PTPRT: variants seen among roughly 807,000 people sequenced by gnomAD.
PTPRT encodes protein tyrosine phosphatase receptor type T, also known as receptor-type tyrosine-protein phosphatase T.
Under a neutral mutation model 176.8 loss-of-function variants are expected in PTPRT, and 56 were observed. The observed-to-expected ratio is 0.32, with a 90% CI of 0.26 to 0.40. The LOEUF is 0.40. Among genes scored for constraint, PTPRT ranks in the 10% least tolerant of loss-of-function variants. The pLI is 1.00. For synonymous variants in PTPRT, 783 were observed against 739.0 expected, an observed-to-expected ratio of 1.06 and a Z score of -0.96; for missense variants, 1,540 against 1,908.2, an observed-to-expected ratio of 0.81 and a Z score of 3.60.
chr20:42,675,564 C>T (rs1442591129), intron 7 of PTPRT, among the ~76,000 whole-genome samples: 5 of 152,150 alleles, frequency 3.3e-5, no homozygotes, highest in East Asian at 1.9e-4. Flanking sequence ...TATATGCTAT[C>T]GATAAGCAAT....
chr20:42,274,536 AGT>A (rs529883269), intron 13 of PTPRT, among the ~76,000 whole-genome samples: 33,157 of 112,774 alleles, frequency 0.29, 4,454 homozygotes, highest in South Asian at 0.36. Context: ...GGCCCTGTAC[AGT>A]GTGTGTGTGT....
chr20:42,127,954 G>T (rs574182076), intron 19 of PTPRT, among the ~76,000 whole-genome samples: 2 of 152,298 alleles, frequency 1.3e-5, no homozygotes, highest in Admixed American at 1.3e-4. Context: ...TCACCTCCTT[G>T]ATAAAAAATT....
At chr20:42,100,514 G>C (rs1444594839) in intron 26 of PTPRT, among the ~76,000 whole-genome samples, 3 of 152,214 alleles carry the variant, frequency 2.0e-5, no homozygotes, top group African/African-American at 7.2e-5. Context: ...TGGACAAAGA[G>C]AATACAATCA....
At chr20:42,771,126 C>T (rs570903458) in intron 5 of PTPRT, among the ~76,000 whole-genome samples, 5 of 152,268 alleles carry the variant, frequency 3.3e-5, no homozygotes, top group South Asian at 4.1e-4. Flanking sequence ...CAGAAAATTC[C>T]GCAGGGGTTT....
chr20:42,446,307 T>G (rs980662966), intron 9 of PTPRT, among the ~76,000 whole-genome samples: 2 of 152,208 alleles, frequency 1.3e-5, no homozygotes, highest in African/African-American at 4.8e-5. Flanking sequence ...ATTTGAAGGA[T>G]GGACTTTTAT....
At chr20:42,391,196 C>T (rs1356198667) in intron 9 of PTPRT, among the ~76,000 whole-genome samples, 1 of 152,130 alleles carries the variant, frequency 6.6e-6, no homozygotes, top group Non-Finnish European at 1.5e-5. Flanking sequence ...ATTGTGAGTT[C>T]TGGGCTTGCT....
At chr20:43,181,702 T>G (rs941944614) in intron 1 of PTPRT, among the ~76,000 whole-genome samples, 1 of 152,196 alleles carries the variant, frequency 6.6e-6, no homozygotes. Flanking sequence ...CATTTTACCC[T>G]GCTGTATGCC....
At chr20:43,083,357 T>TATATATATAC (rs2011514402) in intron 1 of PTPRT, among the ~76,000 whole-genome samples, 1 of 126,170 alleles carries the variant, frequency 7.9e-6, no homozygotes, top group Non-Finnish European at 1.6e-5. Flanking sequence ...TATATATATA[T>TATATATATAC]ATATATATAT....
intron 12 of PTPRT, among the ~76,000 whole-genome samples, 169 bp from the exon 13 acceptor site, chr20:42,282,694 AT>A (rs1258682169): frequency 6.6e-6 from 1 of 151,966 alleles, no homozygotes; most frequent in African/African-American, 2.4e-5. Context: ...TGACCTTTTA[AT>A]TCCATTTTTT....
At chr20:42,883,389 G>A (rs2079035401) in intron 2 of PTPRT, among the ~76,000 whole-genome samples, 1 of 152,012 alleles carries the variant, frequency 6.6e-6, no homozygotes, top group African/African-American at 2.4e-5. Context: ...TTGGAAAAGT[G>A]GGTAAGAGAG....
At chr20:42,385,214 A>T in intron 9 of PTPRT, among the ~76,000 whole-genome samples, 1 of 152,188 alleles carries the variant, frequency 6.6e-6, no homozygotes, top group East Asian at 1.9e-4. Context: ...ACAGCAGTAG[A>T]TGTGAGAGAT....
intron 1 of PTPRT, among the ~76,000 whole-genome samples, chr20:43,087,916 T>C (rs1051139836): frequency 3.3e-5 from 5 of 151,976 alleles, no homozygotes; most frequent in African/African-American, 7.3e-5. Flanking sequence ...GGGAGCGAGA[T>C]TCATTAAAGG....
At chr20:42,770,653 G>T (rs1412508181) in intron 5 of PTPRT, among the ~76,000 whole-genome samples, 2 of 152,126 alleles carry the variant, frequency 1.3e-5, no homozygotes, top group African/African-American at 4.8e-5. Context: ...CCCATAAAAA[G>T]CGACTCTCTA....
At chr20:42,373,467 A>G (rs2058613337) in intron 9 of PTPRT, among the ~76,000 whole-genome samples, 2 of 152,196 alleles carry the variant, frequency 1.3e-5, no homozygotes, top group Non-Finnish European at 2.9e-5. Context: ...CTCAGAGGGA[A>G]CAGAATCCAC....
intron 7 of PTPRT, among the ~76,000 whole-genome samples, chr20:42,514,397 C>A (rs888984781): frequency 6.6e-6 from 1 of 152,100 alleles, no homozygotes; most frequent in African/African-American, 2.4e-5. Context: ...TTGTGATCAT[C>A]CAACTTTATA....
chr20:43,095,720 C>CCTCTCT (rs142590142), intron 1 of PTPRT, among the ~76,000 whole-genome samples: 1 of 114,598 alleles, frequency 8.7e-6, no homozygotes, highest in African/African-American at 3.3e-5. Flanking sequence ...TCTGTTTCTT[C>CCTCTCT]CTCTCTCTCT....
At chr20:42,347,503 C>T (rs1006786482) in intron 11 of PTPRT, among the ~76,000 whole-genome samples, 1 of 152,116 alleles carries the variant, frequency 6.6e-6, no homozygotes, top group African/African-American at 2.4e-5. Context: ...GCTCAATACC[C>T]CTGGGTTGCA....
chr20:43,129,049 T>A (rs754942559), intron 1 of PTPRT, among the ~76,000 whole-genome samples: 1 of 152,152 alleles, frequency 6.6e-6, no homozygotes, highest in Non-Finnish European at 1.5e-5. Context: ...TGCATGAGGG[T>A]CCTGCTTGTT....
chr20:42,928,308 C>T (rs567714096), intron 1 of PTPRT, among the ~76,000 whole-genome samples: 1 of 152,310 alleles, frequency 6.6e-6, no homozygotes, highest in East Asian at 1.9e-4. Flanking sequence ...GCAAGGTGGC[C>T]CTCAGAGATG....
Sources: gnomAD v4.1 joint callset for allele counts (sites outside exome capture counted in the v4.1 genomes callset) on GRCh38, gnomAD v4.1.1 for gene constraint, MANE v1.5 for transcripts, NCBI Gene and HGNC (gene_info 2026-07-23, HGNC 2026-07-21) for gene names.